The following OR2L13 variants were observed in gnomAD, a reference collection of about 807,000 sequenced individuals.
The protein encoded by OR2L13 is olfactory receptor 2L13.
OR2L13 carries 14 observed loss-of-function variants against 15.3 expected under a neutral mutation model. The observed-to-expected ratio is 0.91, with a 90% confidence interval of 0.60 to 1.43. The LOEUF (loss-of-function observed/expected upper bound fraction) is 1.43. OR2L13 is among the 40% of genes most tolerant of loss of function. The probability of loss-of-function intolerance (pLI) is 0.00; values close to 1 mark genes in which losing one functional copy is unlikely to be tolerated. For synonymous variants in OR2L13, 152 were observed against 142.9 expected (o/e 1.06, Z -0.45); for missense variants, 367 against 387.9 (o/e 0.95, Z 0.45).
upstream of OR2L13, among the ~76,000 whole-genome samples, chr1:248,096,959 G>T (rs964773991): frequency 6.6e-6 from 1 of 152,124 alleles, no homozygotes; most frequent in Non-Finnish European, 1.5e-5. Context: ...TTGAATCTAC[G>T]TGCTATGGGG....
chr1:248,021,251 G>T, the OR2L13 span, among the ~76,000 whole-genome samples: 1 of 152,008 alleles, frequency 6.6e-6, no homozygotes. Context: ...ATAAATATTT[G>T]TCTCATCAAA....
chr1:247,990,907 G>T, the OR2L13 span: 3 of 1,480,438 alleles, frequency 2.0e-6, no homozygotes, highest in Admixed American at 5.0e-5. Flanking sequence ...CATTTGTATT[G>T]CATGTTCCTA....
the OR2L13 span, among the ~76,000 whole-genome samples, chr1:247,991,807 G>A: frequency 4.7e-5 from 7 of 149,694 alleles, 1 homozygote; most frequent in African/African-American, 1.5e-4. Flanking sequence ...GTGCCCAAAA[G>A]GATCAACGTT....
chr1:248,094,918 T>G (rs553264766), upstream of OR2L13, among the ~76,000 whole-genome samples: 3 of 152,336 alleles, frequency 2.0e-5, no homozygotes, highest in African/African-American at 7.2e-5. Flanking sequence ...ACATCTTCTA[T>G]AGCTCTGAAA....
At chr1:248,088,792 T>C in the OR2L13 span, among the ~76,000 whole-genome samples, 11 of 152,334 alleles carry the variant, frequency 7.2e-5, no homozygotes, top group South Asian at 2.3e-3. Flanking sequence ...ATCTGTGAAG[T>C]TGTTTTGTCA....
chr1:247,960,628 G>A, the OR2L13 span, among the ~76,000 whole-genome samples: 11 of 152,128 alleles, frequency 7.2e-5, no homozygotes, highest in Admixed American at 6.5e-4. Context: ...ACCTACTCAA[G>A]CCTCAGCAAT....
At chr1:247,983,932 G>T in the OR2L13 span, among the ~76,000 whole-genome samples, 1 of 152,182 alleles carries the variant, frequency 6.6e-6, no homozygotes, top group African/African-American at 2.4e-5. Context: ...TGGCGTGAAT[G>T]ACATGCAGGG....
At chr1:247,939,864 A>C in the OR2L13 span, among the ~76,000 whole-genome samples, 2 of 152,200 alleles carry the variant, frequency 1.3e-5, no homozygotes, top group African/African-American at 4.8e-5. Context: ...CTCTAGAAAG[A>C]CAAAGATAAC....
chr1:247,993,807 G>GAGAGAGAGAGAGAGAGAGAA, the OR2L13 span, among the ~76,000 whole-genome samples: 76 of 129,018 alleles, frequency 5.9e-4, no homozygotes, highest in Middle Eastern at 3.8e-3. Context: ...GAGAGAGAGA[G>GAGAGAGAGAGAGAGAGAGAA]AGAGAAAGAA....
chr1:248,060,433 A>G, the OR2L13 span, among the ~76,000 whole-genome samples: 1 of 152,218 alleles, frequency 6.6e-6, no homozygotes, highest in Admixed American at 6.5e-5. Context: ...TTTGTATTAT[A>G]GTATACTGTA....
At chr1:248,003,636 C>G in the OR2L13 span, 956 of 1,610,746 alleles carry the variant, frequency 5.9e-4, 8 homozygotes, top group African/African-American at 0.011. Context: ...CCTTATTGCC[C>G]ATCTAGGGTT....
the OR2L13 span, among the ~76,000 whole-genome samples, chr1:247,957,791 C>A: frequency 6.6e-6 from 1 of 151,938 alleles, no homozygotes; most frequent in Non-Finnish European, 1.5e-5. Context: ...TGGTGATATA[C>A]CCTTTATCAT....
the OR2L13 span, among the ~76,000 whole-genome samples, chr1:248,089,206 A>T: frequency 5.3e-5 from 8 of 152,162 alleles, no homozygotes; most frequent in Admixed American, 5.2e-4. Context: ...ATTATAGTTT[A>T]TTATAAAGGA....
the OR2L13 span, among the ~76,000 whole-genome samples, chr1:248,059,454 G>A: frequency 1.3e-5 from 2 of 152,096 alleles, no homozygotes; most frequent in Non-Finnish European, 2.9e-5. Context: ...CACTAGAGAA[G>A]GAAAAGACAA....
the OR2L13 span, among the ~76,000 whole-genome samples, chr1:247,976,032 A>G: frequency 6.6e-6 from 1 of 152,220 alleles, no homozygotes; most frequent in East Asian, 1.9e-4. Flanking sequence ...ATCTAATTGA[A>G]TATAAGATAG....
the OR2L13 span, among the ~76,000 whole-genome samples, chr1:248,031,858 A>G: frequency 6.6e-6 from 1 of 152,182 alleles, no homozygotes; most frequent in Non-Finnish European, 1.5e-5. Flanking sequence ...ACTCAGTTAT[A>G]ATATGGCATT....
At chr1:248,091,643 A>G (rs1225626145), upstream of OR2L13, among the ~76,000 whole-genome samples, 1 of 151,984 alleles carries the variant, frequency 6.6e-6, no homozygotes, top group African/African-American at 2.4e-5. Context: ...TGGTCTATGC[A>G]TCTGTCATTG....
At chr1:248,036,366 A>G in the OR2L13 span, among the ~76,000 whole-genome samples, 1 of 152,190 alleles carries the variant, frequency 6.6e-6, no homozygotes, top group African/African-American at 2.4e-5. Context: ...ACATCCTTGC[A>G]TATAGCTAAT....
chr1:248,054,372 G>A, the OR2L13 span, among the ~76,000 whole-genome samples: 1 of 152,106 alleles, frequency 6.6e-6, no homozygotes, highest in Non-Finnish European at 1.5e-5. Flanking sequence ...TTGTAGTATA[G>A]TTTGCAGTCG....
Sources: allele counts gnomAD v4.1 joint callset (sites outside exome capture counted in the v4.1 genomes callset), GRCh38; gene constraint gnomAD v4.1.1; transcripts MANE v1.5; gene names NCBI Gene and HGNC (gene_info 2026-07-23, HGNC 2026-07-21).